The following CPED1 variants were observed in gnomAD, a reference collection of about 807,000 sequenced individuals.
CPED1 encodes the protein cadherin-like and PC-esterase domain-containing protein 1.
In CPED1, 114 loss-of-function variants were observed where a neutral mutation model predicts 128.2. That is an observed-to-expected ratio of 0.89 (90% CI 0.76 to 1.04). The LOEUF is 1.04. Ranked by LOEUF, CPED1 falls within the 50% of genes least tolerant of loss-of-function variation. The pLI is 0.00. For missense variants in CPED1, 1,211 were observed against 1,207.1 expected (o/e 1.00, Z -0.05); for synonymous variants, 462 against 426.7 (o/e 1.08, Z -1.02).
intron 16 of CPED1, among the ~76,000 whole-genome samples, chr7:121,236,078 G>A: frequency 6.6e-6 from 1 of 152,146 alleles, no homozygotes; most frequent in African/African-American, 2.4e-5. Flanking sequence ...GGTCCAGCCT[G>A]CGGGTGCAGC....
At chr7:121,043,171 GA>G (rs1793103236) in intron 3 of CPED1, among the ~76,000 whole-genome samples, 1 of 152,126 alleles carries the variant, frequency 6.6e-6, no homozygotes, top group Non-Finnish European at 1.5e-5. Context: ...GAGAGAGTGT[GA>G]ATGAAAAAGA....
At chr7:121,082,275 G>C (rs1803531320) in intron 5 of CPED1, among the ~76,000 whole-genome samples, 1 of 152,096 alleles carries the variant, frequency 6.6e-6, no homozygotes, top group South Asian at 2.1e-4. Context: ...TAATATATAA[G>C]AGATTATGTC....
At chr7:121,147,267 C>T (rs1465718575) in intron 16 of CPED1, among the ~76,000 whole-genome samples, 2 of 152,098 alleles carry the variant, frequency 1.3e-5, no homozygotes, top group Admixed American at 1.3e-4. Flanking sequence ...ATTCTGACAG[C>T]TCTTTATTCT....
chr7:121,271,152 A>G, intron 21 of CPED1, 132 bp from the exon 22 acceptor site: 1 of 606,084 alleles, frequency 1.6e-6, no homozygotes, highest in Non-Finnish European at 2.7e-6. Context: ...TAAGAAATGC[A>G]TGTGAAGTTC....
At chr7:121,256,555 T>A (rs563187907) in intron 18 of CPED1, among the ~76,000 whole-genome samples, 3 of 152,194 alleles carry the variant, frequency 2.0e-5, no homozygotes, top group Admixed American at 6.5e-5. Flanking sequence ...AAACAACGGA[T>A]GCTGGAGAGG....
chr7:121,087,162 G>GC (rs141039654), intron 5 of CPED1, among the ~76,000 whole-genome samples: 26 of 152,122 alleles, frequency 1.7e-4, no homozygotes, highest in African/African-American at 5.8e-4. Context: ...TTTTAATATA[G>GC]TTTTTTTTCT....
intron 3 of CPED1, among the ~76,000 whole-genome samples, chr7:121,024,870 C>T (rs541789027): frequency 2.6e-5 from 4 of 152,218 alleles, no homozygotes; most frequent in East Asian, 3.9e-4. Context: ...AGCTTTCAAA[C>T]GACAGTTTGT....
At position 121,142,008 on chromosome 7, in the gene CPED1, A is replaced by G. The variant is rs905660269; in HGVS notation, c.1922A>G (p.Lys641Arg). 2 of 1,612,536 alleles carry G rather than the reference A, an allele frequency of 1.2e-6. No individual in the cohort carries two copies. The highest frequency in any genetic ancestry group is 1.7e-5 in the Admixed American group (1 of 59,836). Residue 641 changes from lysine to arginine, a missense_variant, in exon 16 of 23, where the codon AAA (lysine) becomes AGA (arginine). Physicochemically the swap from Lys to Arg is conservative, Grantham distance 26. Coordinates refer to ENST00000310396, the MANE Select transcript of CPED1 (RefSeq NM_024913.5). ...ASYPLGLGMN[K>R]ISIFVVDESP... is the part of the protein sequence containing the mutation. ...TACCCTCTGGGCTTAGGAATGAACA[A>G]AATCTCAATATTTGTTGTGGATGAA...
intron 3 of CPED1, among the ~76,000 whole-genome samples, chr7:121,020,577 T>C (rs1792414271): frequency 6.6e-6 from 1 of 151,990 alleles, no homozygotes; most frequent in African/African-American, 2.4e-5. Flanking sequence ...ACTGAGATGT[T>C]TCATTTTTTA....
intron 16 of CPED1, among the ~76,000 whole-genome samples, chr7:121,231,805 T>C (rs1798147071): frequency 6.6e-6 from 1 of 152,132 alleles, no homozygotes. Flanking sequence ...AGAAGAAAAG[T>C]ATATTTTATT....
intron 16 of CPED1, among the ~76,000 whole-genome samples, chr7:121,160,413 T>TG (rs1174653833): frequency 6.6e-6 from 1 of 152,108 alleles, no homozygotes; most frequent in Non-Finnish European, 1.5e-5. Context: ...AGGTGAACTT[T>TG]GGGGAATGTA....
chr7:121,047,051 A>T (rs1309955557), intron 4 of CPED1, 58 bp downstream of exon 4: 18 of 1,044,586 alleles, frequency 1.7e-5, no homozygotes, highest in Admixed American at 7.4e-5. Context: ...TAACACTGGC[A>T]TTTCCTGGTC....
chr7:121,223,646 T>C (rs765224737), intron 16 of CPED1, among the ~76,000 whole-genome samples: 42 of 152,302 alleles, frequency 2.8e-4, no homozygotes, highest in Middle Eastern at 3.4e-3. Flanking sequence ...AGCCTGTTAT[T>C]GGTCTATTCA....
intron 21 of CPED1, 70 bp downstream of exon 21, chr7:121,267,372 G>A (rs563370464): frequency 3.6e-4 from 314 of 863,472 alleles, no homozygotes; most frequent in African/African-American, 3.6e-3. Flanking sequence ...AAAAAGACCC[G>A]TAAGGCACTA....
chr7:121,203,539 G>C (rs1391864397), intron 16 of CPED1, among the ~76,000 whole-genome samples: 1 of 152,022 alleles, frequency 6.6e-6, no homozygotes, highest in Admixed American at 6.6e-5. Context: ...GGCCACAGTG[G>C]CTCCCTAACT....
At chr7:121,135,859 C>T (rs1336429863) in intron 13 of CPED1, among the ~76,000 whole-genome samples, 181 bp from the exon 14 acceptor site, 1 of 151,916 alleles carries the variant, frequency 6.6e-6, no homozygotes, top group Non-Finnish European at 1.5e-5. Context: ...AATAATTCTT[C>T]TGAGCTCTGA....
chr7:121,218,539 C>T (rs1331078189), intron 16 of CPED1, among the ~76,000 whole-genome samples: 1 of 151,964 alleles, frequency 6.6e-6, no homozygotes, highest in African/African-American at 2.4e-5. Context: ...ATCAATATCT[C>T]CTGGGCAAAC....
chr7:121,281,401 G>T (rs931479609), intron 22 of CPED1, among the ~76,000 whole-genome samples: 6 of 152,026 alleles, frequency 3.9e-5, no homozygotes, highest in Non-Finnish European at 8.8e-5. Context: ...TTTTTTGTTC[G>T]TTTGGGAAGT....
At chr7:121,136,754 T>G (rs1172110231) in intron 14 of CPED1, among the ~76,000 whole-genome samples, 1 of 152,050 alleles carries the variant, frequency 6.6e-6, no homozygotes, top group Non-Finnish European at 1.5e-5. Flanking sequence ...CTCCTGAATT[T>G]AGGCCGGGCA....
Sources: gnomAD v4.1 joint callset for allele counts (sites outside exome capture counted in the v4.1 genomes callset) on GRCh38, gnomAD v4.1.1 for gene constraint, MANE v1.5 for transcripts, NCBI Gene and HGNC (gene_info 2026-07-23, HGNC 2026-07-21) for gene names.